LYRM4: variants seen among roughly 807,000 people sequenced by gnomAD.
The protein encoded by LYRM4 is LYR motif-containing protein 4.
In LYRM4, 9 loss-of-function variants were observed where a neutral mutation model predicts 11.7. The ratio of observed to expected loss-of-function variants is 0.77; its 90% CI spans 0.46 to 1.34. The LOEUF (loss-of-function observed/expected upper bound fraction) is 1.34. LYRM4 is among the 40% of genes most tolerant of loss of function. The probability of loss-of-function intolerance (pLI) is 0.00; values close to 1 mark genes in which losing one functional copy is unlikely to be tolerated. For missense variants in LYRM4, 133 were observed against 112.5 expected (o/e 1.18, Z -0.82); for synonymous variants, 42 against 40.4 (o/e 1.04, Z -0.15).
intron 2 of LYRM4, among the ~76,000 whole-genome samples, chr6:5,154,916 G>A (rs1161235323): frequency 6.6e-6 from 1 of 152,146 alleles, no homozygotes. Context: ...GGGGCATCAG[G>A]GTTCAGGTCT....
chr6:5,045,261 A>G, the LYRM4 span, among the ~76,000 whole-genome samples: 1 of 152,244 alleles, frequency 6.6e-6, no homozygotes, highest in Non-Finnish European at 1.5e-5. Flanking sequence ...GTCCATCCAT[A>G]CAATGAAATA....
chr6:5,099,942 T>A (rs1370762525), downstream of LYRM4, among the ~76,000 whole-genome samples: 1 of 152,164 alleles, frequency 6.6e-6, no homozygotes, highest in Non-Finnish European at 1.5e-5. This position sits in a 1 kb window ranked among gnomAD's most constrained non-coding sequence, Gnocchi z 4.3. Flanking sequence ...GACATTTTGC[T>A]TGGGTGCCTC....
chr6:5,085,570 G>A, the LYRM4 span: 10 of 1,543,356 alleles, frequency 6.5e-6, no homozygotes, highest in Admixed American at 2.0e-5. Flanking sequence ...GGAGCTGCCC[G>A]CCCCGGTGGT....
intron 2 of LYRM4, among the ~76,000 whole-genome samples, chr6:5,160,695 T>C (rs942471109): frequency 4.6e-5 from 7 of 151,976 alleles, no homozygotes; most frequent in African/African-American, 1.7e-4. Flanking sequence ...ATTAAACCTC[T>C]TTTTCTTAGA....
intron 2 of LYRM4, among the ~76,000 whole-genome samples, chr6:5,200,454 G>A (rs1047634335): frequency 7.5e-4 from 114 of 152,286 alleles, no homozygotes; most frequent in African/African-American, 2.6e-3. Context: ...GGAAGCACAT[G>A]AAATTTTCAG....
At chr6:5,135,675 G>A (rs948021044) in intron 2 of LYRM4, among the ~76,000 whole-genome samples, 1 of 152,154 alleles carries the variant, frequency 6.6e-6, no homozygotes, top group African/African-American at 2.4e-5. Flanking sequence ...AAGTTTTCCT[G>A]CTAAATATAC....
chr6:5,068,793 G>T, the LYRM4 span, among the ~76,000 whole-genome samples: 1 of 151,724 alleles, frequency 6.6e-6, no homozygotes, highest in African/African-American at 2.4e-5. This position sits in a 1 kb window ranked among gnomAD's most constrained non-coding sequence, Gnocchi z 4.0. Flanking sequence ...AAAAAAAAAA[G>T]AATTTAAAAA....
At chr6:5,054,159 C>G in the LYRM4 span, 3 of 980,026 alleles carry the variant, frequency 3.1e-6, no homozygotes, top group Non-Finnish European at 3.6e-6. Context: ...TTGAGTGTCT[C>G]TGCAGGGAGG....
At chr6:5,242,159 G>T (rs1052305854) in intron 1 of LYRM4, among the ~76,000 whole-genome samples, 5 of 148,172 alleles carry the variant, frequency 3.4e-5, no homozygotes, top group Admixed American at 1.4e-4. Flanking sequence ...TGCAACCTCT[G>T]CCTCTCTGGT....
the LYRM4 span, among the ~76,000 whole-genome samples, chr6:5,091,311 T>G: frequency 6.6e-6 from 1 of 152,174 alleles, no homozygotes; most frequent in Admixed American, 6.5e-5. Flanking sequence ...GGCAGGTGCT[T>G]GGAAACCTGG....
intron 2 of LYRM4, among the ~76,000 whole-genome samples, chr6:5,173,163 G>A (rs546041354): frequency 5.9e-5 from 9 of 152,320 alleles, no homozygotes; most frequent in African/African-American, 1.7e-4. Context: ...TTTTATGGCT[G>A]TTTTCAACCA....
rs188206853 is a variant in LYRM4 at position 5,157,700 on chromosome 6, C to T, written c.208-48209G>A. ...CACGAAAGATGGCTCCCAGTTTCTC[C>T]GAGATCAACATATTAGTCCATTTAA... On this transcript the variant is annotated intron_variant, in intron 2 of 2. Coordinates refer to ENST00000330636, the MANE Select transcript of LYRM4 (RefSeq NM_020408.6). 3.5e-4 allele frequency among the ~76,000 whole-genome samples: 53 copies of T among 152,228 alleles called. 1 individual carries two copies. In the Middle Eastern group the frequency reaches 0.01, roughly 29 times the overall value.
intron 2 of LYRM4, among the ~76,000 whole-genome samples, chr6:5,184,748 T>C (rs1396307842): frequency 6.6e-6 from 1 of 152,174 alleles, no homozygotes; most frequent in Non-Finnish European, 1.5e-5. Flanking sequence ...CTACTGTGGA[T>C]CAGGTACTGT....
intron 2 of LYRM4, among the ~76,000 whole-genome samples, chr6:5,192,304 TG>T (rs578049986): frequency 3.2e-4 from 48 of 152,092 alleles, no homozygotes; most frequent in Middle Eastern, 6.8e-3. Context: ...AGAGAACGGC[TG>T]GGGGCAAGGC....
chr6:5,124,361 T>G (rs1763605577), intron 2 of LYRM4, among the ~76,000 whole-genome samples: 1 of 152,186 alleles, frequency 6.6e-6, no homozygotes, highest in Non-Finnish European at 1.5e-5. Context: ...GGATTATAGG[T>G]GTGAACCACT....
At chr6:5,138,506 A>G in intron 2 of LYRM4, among the ~76,000 whole-genome samples, 2 of 150,900 alleles carry the variant, frequency 1.3e-5, no homozygotes, top group African/African-American at 2.4e-5. Context: ...AAAAAAAAAA[A>G]AAAAAAAAAA....
In LYRM4 at chr6:5,211,516, C is replaced by T. The variant is rs555297955; in HGVS notation, c.207+5102G>A. Reference sequence around the variant, plus strand: ...CTTACATTAACAAAAATGGATGCTACGTGTAATGTTAACCCCTTTCCAATG... The same window carrying T: ...CTTACATTAACAAAAATGGATGCTATGTGTAATGTTAACCCCTTTCCAATG... On this transcript the variant is annotated intron_variant, in intron 2 of 2. Transcript: ENST00000330636. Among the ~76,000 whole-genome samples the T allele has an allele frequency of 7.9e-5, 12 of 152,296 alleles. No homozygotes were observed. The Middle Eastern group carries it at 0.01, about 130-fold the overall frequency.
intron 2 of LYRM4, among the ~76,000 whole-genome samples, chr6:5,120,426 A>G (rs1763385698): frequency 6.6e-6 from 1 of 152,186 alleles, no homozygotes; most frequent in Non-Finnish European, 1.5e-5. Context: ...CTCTGACTTC[A>G]GGAATGAAGC....
chr6:5,137,305 C>CA (rs1246279221), intron 2 of LYRM4, among the ~76,000 whole-genome samples: 1 of 152,302 alleles, frequency 6.6e-6, no homozygotes, highest in East Asian at 1.9e-4. Context: ...TAAATATTTG[C>CA]ATATAAGTCT....
Sources: allele counts gnomAD v4.1 joint callset (sites outside exome capture counted in the v4.1 genomes callset), GRCh38; gene constraint gnomAD v4.1.1; non-coding constraint Gnocchi (gnomAD v3.1); transcripts MANE v1.5; gene names NCBI Gene and HGNC (gene_info 2026-07-23, HGNC 2026-07-21).